Variants in USP20 observed in about 807,000 individuals in gnomAD.
USP20 encodes the protein ubiquitin carboxyl-terminal hydrolase 20.
In USP20, 80 loss-of-function variants were observed where a neutral mutation model predicts 124.2. That is an observed-to-expected ratio of 0.64 (90% CI 0.54 to 0.78). The LOEUF (loss-of-function observed/expected upper bound fraction) is 0.78. Ranked by LOEUF, USP20 falls within the 30% of genes least tolerant of loss-of-function variation. The pLI is 0.00. For synonymous variants in USP20, 481 were observed against 512.3 expected (o/e 0.94, Z 0.83); for missense variants, 1,043 against 1,244.4 (o/e 0.84, Z 2.44).
At chr9:129,869,079 C>A in intron 12 of USP20, 77 bp downstream of exon 12, 1 of 1,498,578 alleles carries the variant, frequency 6.7e-7, no homozygotes, top group Non-Finnish European at 8.9e-7. Flanking sequence ...TTCTCATGGC[C>A]CCCTGTGGCG....
chr9:129,869,750 G>C lies in USP20; in HGVS notation c.1471G>C (p.Ala491Pro). The change falls in exon 14 of 26, where the codon GCC becomes CCC. Residue 491 changes from alanine to proline, a missense_variant. Coordinates refer to ENST00000372429, the MANE Select transcript of USP20 (RefSeq NM_001110303.4). ...GKEDLAKLHSAIYQNVPAKPG... is the reference protein window; with the variant it reads ...GKEDLAKLHSPIYQNVPAKPG... ...GGAGGACCTGGCCAAGCTCCATTCA[G>C]CCATCTACCAGAATGTGCCGGCCAA... 1 of 1,614,082 alleles carries C rather than the reference G, an allele frequency of 6.2e-7. No individual in the cohort carries two copies. The highest frequency in any genetic ancestry group is 8.5e-7 in the Non-Finnish European group (1 of 1,180,036).
chr9:129,878,694 C>T (rs1229979006), intron 23 of USP20, among the ~76,000 whole-genome samples: 1 of 152,238 alleles, frequency 6.6e-6, no homozygotes, highest in Admixed American at 6.5e-5. Flanking sequence ...GCCCAGCAAG[C>T]TGCTCTGCCC....
intron 1 of USP20, among the ~76,000 whole-genome samples, chr9:129,836,052 CT>C (rs2031811018): frequency 6.6e-6 from 1 of 152,196 alleles, no homozygotes; most frequent in Non-Finnish European, 1.5e-5. Context: ...GGCCACCCCC[CT>C]GGACCTTCAC....
At chr9:129,844,131 CACAT>C (rs1231706213) in intron 1 of USP20, among the ~76,000 whole-genome samples, 4 of 152,066 alleles carry the variant, frequency 2.6e-5, no homozygotes, top group Non-Finnish European at 4.4e-5. Flanking sequence ...TGGCAAAACA[CACAT>C]ACACAAAATA....
At chr9:129,843,517 C>T (rs961706311) in intron 1 of USP20, among the ~76,000 whole-genome samples, 9 of 151,990 alleles carry the variant, frequency 5.9e-5, no homozygotes, top group African/African-American at 1.7e-4. Context: ...GGCGGATCAC[C>T]TGAGATCAGG....
At chr9:129,867,443 T>C (rs1007799723) in intron 10 of USP20, among the ~76,000 whole-genome samples, 1 of 151,914 alleles carries the variant, frequency 6.6e-6, no homozygotes, top group Non-Finnish European at 1.5e-5. Context: ...GAGCAGGCAG[T>C]GAGGGTATGT....
intron 10 of USP20, among the ~76,000 whole-genome samples, chr9:129,867,383 C>G (rs1174747427): frequency 6.6e-6 from 1 of 152,158 alleles, no homozygotes; most frequent in Non-Finnish European, 1.5e-5. Context: ...ACCCAGGCAG[C>G]CTGCAGGGGC....
intron 4 of USP20, 140 bp downstream of exon 4, chr9:129,856,500 C>T: frequency 2.2e-6 from 2 of 920,656 alleles, no homozygotes; most frequent in Non-Finnish European, 3.4e-6. Flanking sequence ...TGGGCTGGGG[C>T]ACAGGGGCAC....
chr9:129,870,469 AC>A lies in USP20; in HGVS notation c.1587del (p.Ser530AlafsTer23). On this transcript the variant is annotated frameshift_variant, in exon 15 of 26. Coordinates refer to ENST00000372429, the MANE Select transcript of USP20 (RefSeq NM_001110303.4). LOFTEE classifies it high-confidence loss of function. ...TGTCTGTAGGTTTGTGGTATCCTGT[AC>A]CCCCAGCTGGTTTTGGGGGCCTGTC... ...EYIRRFVVSC[T>X]PSWFWGPVVT... is the part of the protein sequence containing the mutation. 6.2e-7 allele frequency: 1 copy of A among 1,613,790 alleles called. No homozygotes were observed. Among genetic ancestry groups the A allele is most frequent in the Non-Finnish European group, 8.5e-7 (1 of 1,179,928 alleles).
chr9:129,844,706 T>C (rs1310204850), intron 1 of USP20, among the ~76,000 whole-genome samples: 1 of 152,084 alleles, frequency 6.6e-6, no homozygotes, highest in Non-Finnish European at 1.5e-5. Flanking sequence ...ACCATATTTT[T>C]TTTCCTGTAC....
In USP20 at chr9:129,868,194, G is replaced by A. The variant is rs1394549966; in HGVS notation, c.880G>A (p.Glu294Lys). 1 of 1,614,108 alleles carries A rather than the reference G, an allele frequency of 6.2e-7. No individual in the cohort carries two copies. The highest frequency in any genetic ancestry group is 8.5e-7 in the Non-Finnish European group (1 of 1,179,958). The part of the protein sequence containing the change: ...LSCDSSSDRG[E>K]GDGQGRGGGS... Reference sequence around the variant, plus strand: ...CTGTGACTCGAGCAGTGACCGGGGTGAGGGTGACGGGCAGGGGCGTGGCGG... The same window carrying A: ...CTGTGACTCGAGCAGTGACCGGGGTAAGGGTGACGGGCAGGGGCGTGGCGG... The change falls in exon 11 of 26, where the codon GAG becomes AAG. Residue 294 changes from glutamate (E) to lysine (K), a missense_variant. Transcript: ENST00000372429.
chr9:129,861,051 AG>A lies in USP20; in HGVS notation c.427+22del, dbSNP rs1448529813. ...ACCTCGAGGTAATGGCCCCCACAGC[AG>A]GGGAAGCTGATGGGCTGGGCTGGGG... On this transcript the variant is annotated intron_variant, in intron 7 of 25. Transcript: ENST00000372429. 1 of 1,610,990 alleles carries A rather than the reference AG, an allele frequency of 6.2e-7. No homozygotes were observed. Among genetic ancestry groups the A allele is most frequent in the Non-Finnish European group, 8.5e-7 (1 of 1,177,344 alleles).
intron 6 of USP20, among the ~76,000 whole-genome samples, chr9:129,859,631 G>GA (rs1460383100): frequency 3.3e-5 from 5 of 152,070 alleles, no homozygotes; most frequent in Admixed American, 6.6e-5. Context: ...AATGCTTATT[G>GA]AATGCATTTG....
intron 1 of USP20, among the ~76,000 whole-genome samples, chr9:129,843,560 C>A (rs1456132562): frequency 3.9e-5 from 6 of 151,960 alleles, no homozygotes; most frequent in Non-Finnish European, 7.4e-5. Flanking sequence ...TGTGGTGAAA[C>A]CTCATCTCTA....
At position 129,874,648 on chromosome 9, in the gene USP20, T is replaced by C. The variant is rs746700944; in HGVS notation, c.1813T>C (p.Phe605Leu). The change falls in exon 18 of 26, where the codon TTC becomes CTC. Residue 605 changes from phenylalanine to leucine, a missense_variant. Coordinates refer to ENST00000372429, the MANE Select transcript of USP20 (RefSeq NM_001110303.4). ...ATTCAAGATCAACAGCCACGTCTCCTTCCCCCTCGAGGGGCTCGACCTGCG... is the reference window on the plus strand; with the variant it reads ...ATTCAAGATCAACAGCCACGTCTCCCTCCCCCTCGAGGGGCTCGACCTGCG... ...YSFKINSHVSFPLEGLDLRPF... is the reference protein window; with the variant it reads ...YSFKINSHVSLPLEGLDLRPF... The C allele has an allele frequency of 1.2e-6, 2 of 1,613,966 alleles. No homozygotes were observed. Among genetic ancestry groups the C allele is most frequent in the East Asian group, 2.2e-5 (1 of 44,870 alleles).
chr9:129,875,470 T>C lies in USP20; in HGVS notation c.2209T>C (p.Ser737Pro), dbSNP rs868720624. 1 of 1,613,016 alleles carries C rather than the reference T, an allele frequency of 6.2e-7. No individual in the cohort carries two copies. The highest frequency in any genetic ancestry group is 8.5e-7 in the Non-Finnish European group (1 of 1,179,536). The stretch of plus-strand genomic sequence containing the variant: ...CATCACCAACCAGACCTTCCTCTGC[T>C]CCCACGGAGGTGAGGCGCCCCCTGT... ...GPITNQTFLC[S>P]HGGIPPHKYH... Residue 737 changes from serine to proline, a missense_variant, in exon 20 of 26, where the codon TCC becomes CCC. By Grantham distance (74) the Ser-to-Pro change is moderately conservative. Coordinates refer to ENST00000372429, the MANE Select transcript of USP20 (RefSeq NM_001110303.4).
chr9:129,879,110 G>A lies in USP20; in HGVS notation c.2513-463G>A, dbSNP rs2034532063. Among the ~76,000 whole-genome samples the A allele has an allele frequency of 6.6e-6, 1 of 152,242 alleles. No individual in the cohort carries two copies. The highest frequency in any genetic ancestry group is 6.5e-5 in the Admixed American group (1 of 15,290). On this transcript the variant is annotated intron_variant, in intron 23 of 25. Transcript: ENST00000372429. The surrounding 1 kb of genome is among the most constrained non-coding windows in gnomAD (Gnocchi z 4.2). Reference sequence around the variant, plus strand: ...TGGTGGTGGCTGAGGCCTTCAGCATGGCTGTGGTTGAGAATGTAGCTCCGG... The same window carrying A: ...TGGTGGTGGCTGAGGCCTTCAGCATAGCTGTGGTTGAGAATGTAGCTCCGG...
At chr9:129,854,934 A>G (rs1057020745) in intron 3 of USP20, among the ~76,000 whole-genome samples, 3 of 152,152 alleles carry the variant, frequency 2.0e-5, no homozygotes, top group African/African-American at 4.8e-5. Flanking sequence ...GGGAGCCAAC[A>G]TGGCCACCCT....
At chr9:129,878,796 C>T (rs2034517572) in intron 23 of USP20, among the ~76,000 whole-genome samples, 2 of 152,224 alleles carry the variant, frequency 1.3e-5, no homozygotes, top group African/African-American at 4.8e-5. Flanking sequence ...GAGACAGGCC[C>T]CATCACAAGC....
Sources: gnomAD v4.1 joint callset for allele counts (sites outside exome capture counted in the v4.1 genomes callset) on GRCh38, gnomAD v4.1.1 for gene constraint, Gnocchi (gnomAD v3.1) non-coding constraint, MANE v1.5 for transcripts, NCBI Gene and HGNC (gene_info 2026-07-23, HGNC 2026-07-21) for gene names.